MAP2K4: variants seen among roughly 807,000 people sequenced by gnomAD.
The protein encoded by MAP2K4 is dual specificity mitogen-activated protein kinase kinase 4.
In MAP2K4, 4 loss-of-function variants were observed where a neutral mutation model predicts 48.5. That is an observed-to-expected ratio of 0.08 (90% CI 0.04 to 0.19). The LOEUF is 0.19. Ranked by LOEUF, MAP2K4 falls within the 10% of genes least tolerant of loss-of-function variation. MAP2K4 has a pLI of 1.00. For missense variants in MAP2K4, 258 were observed against 493.3 expected (o/e 0.52, Z 4.52); for synonymous variants, 166 against 173.1 (o/e 0.96, Z 0.32).
chr17:12,084,396 T>C (rs1971291862), intron 3 of MAP2K4, among the ~76,000 whole-genome samples: 1 of 152,164 alleles, frequency 6.6e-6, no homozygotes, highest in African/African-American at 2.4e-5. Context: ...GAAAAGGGTC[T>C]TGCTCTCCTG....
At chr17:12,136,595 G>C (rs1333521189) in intron 9 of MAP2K4, among the ~76,000 whole-genome samples, 1 of 152,196 alleles carries the variant, frequency 6.6e-6, no homozygotes, top group African/African-American at 2.4e-5. Context: ...TTTGCTAACG[G>C]CTACCTTATT....
In MAP2K4 at chr17:12,141,634, G is replaced by A. The variant is rs548739275; in HGVS notation, c.*374G>A. The A allele has an allele frequency of 1.1e-4, 31 of 294,738 alleles. No homozygotes were observed. The highest frequency in any genetic ancestry group is 8.6e-4 in the Admixed American group (18 of 20,976). The allele number at this position is 294,738 out of a possible 1,614,324, so 18.3% of individuals were successfully genotyped here. A position where few individuals can be genotyped will look rare whatever the true frequency, so the allele number is the denominator to read the frequency against. ...GTGTTTTGTCAGACTTCCAAATCCT[G>A]GAAGGACACAGTGATGAATGTACTA... On this transcript the variant is annotated 3_prime_UTR_variant, in exon 11 of 11. Transcript: ENST00000353533.
intron 2 of MAP2K4, among the ~76,000 whole-genome samples, chr17:12,057,629 T>C (rs573540707): frequency 1.3e-5 from 2 of 152,220 alleles, no homozygotes; most frequent in South Asian, 4.1e-4. Context: ...TTCATGTTTT[T>C]CCTATCATCT....
intron 2 of MAP2K4, among the ~76,000 whole-genome samples, chr17:12,068,526 T>C (rs1970686539): frequency 6.6e-6 from 1 of 152,038 alleles, no homozygotes; most frequent in Non-Finnish European, 1.5e-5. Context: ...TTAATAAATA[T>C]TGGTGATAAT....
intron 4 of MAP2K4, among the ~76,000 whole-genome samples, chr17:12,104,254 G>C: frequency 6.6e-6 from 1 of 152,256 alleles, no homozygotes; most frequent in East Asian, 1.9e-4. Context: ...AAAGAAAAGG[G>C]AAGAACTAAA....
intron 2 of MAP2K4, among the ~76,000 whole-genome samples, chr17:12,062,807 C>A (rs1277037983): frequency 2.6e-5 from 4 of 152,118 alleles, no homozygotes; most frequent in African/African-American, 9.7e-5. Flanking sequence ...TATGTGATCT[C>A]TTTTTTCTTT....
At chr17:12,039,736 C>T (rs1274845291) in intron 1 of MAP2K4, among the ~76,000 whole-genome samples, 1 of 152,120 alleles carries the variant, frequency 6.6e-6, no homozygotes, top group Non-Finnish European at 1.5e-5. Flanking sequence ...AAGTTGAGAC[C>T]TCAGCAAGGT....
intron 2 of MAP2K4, among the ~76,000 whole-genome samples, chr17:12,064,207 A>G (rs573441723): frequency 6.6e-6 from 1 of 152,142 alleles, no homozygotes; most frequent in Non-Finnish European, 1.5e-5. Context: ...CTTAGCCTCC[A>G]GAGTACCTGG....
At chr17:12,057,302 GA>G in intron 2 of MAP2K4, among the ~76,000 whole-genome samples, 1 of 152,290 alleles carries the variant, frequency 6.6e-6, no homozygotes, top group South Asian at 2.1e-4. Flanking sequence ...ACTGGATTTT[GA>G]AAGACAGGCA....
rs1973420639 is a variant in MAP2K4, at chr17:12,142,995, T to C, written c.*1735T>C. 1 of 232,924 alleles carries C rather than the reference T, an allele frequency of 4.3e-6. No homozygotes were observed. Among genetic ancestry groups the C allele is most frequent in the East Asian group, 6.0e-5 (1 of 16,582 alleles). The allele number at this position is 232,924 out of a possible 1,614,324, so 14.4% of individuals were successfully genotyped here. The stretch of plus-strand genomic sequence containing the variant: ...TCAAACAATAAAGGGAGAATGGTGC[T>C]GTTTAAAGTCACATCCCTGTAAATT... On this transcript the variant is annotated 3_prime_UTR_variant, in exon 11 of 11. Coordinates refer to ENST00000353533, the MANE Select transcript of MAP2K4 (RefSeq NM_003010.4).
chr17:12,036,618 T>G (rs1969607477), intron 1 of MAP2K4: 1 of 152,188 alleles, frequency 6.6e-6, no homozygotes, highest in Non-Finnish European at 1.5e-5. Flanking sequence ...TGTGTGCCAC[T>G]CATGACAGAA....
intron 9 of MAP2K4, among the ~76,000 whole-genome samples, chr17:12,138,268 C>T (rs981065629): frequency 3.3e-5 from 5 of 150,714 alleles, no homozygotes; most frequent in Admixed American, 6.6e-5. Flanking sequence ...GTCAAAAATC[C>T]GCATATAACT....
At chr17:12,131,097 G>A (rs1309536599) in intron 9 of MAP2K4, among the ~76,000 whole-genome samples, 1 of 152,040 alleles carries the variant, frequency 6.6e-6, no homozygotes, top group Non-Finnish European at 1.5e-5. Flanking sequence ...TAAATTTCAT[G>A]ATGGGGAGGA....
At chr17:12,116,812 TG>T in intron 7 of MAP2K4, among the ~76,000 whole-genome samples, 1 of 152,298 alleles carries the variant, frequency 6.6e-6, no homozygotes, top group African/African-American at 2.4e-5. Flanking sequence ...TGCCAGAAGC[TG>T]TTGATAACTT....
intron 9 of MAP2K4, among the ~76,000 whole-genome samples, chr17:12,131,349 G>A (rs750360915): frequency 1.3e-5 from 2 of 151,034 alleles, no homozygotes; most frequent in African/African-American, 4.9e-5. Context: ...GGGTTCAAAC[G>A]ATTCTTCTGC....
In MAP2K4 at chr17:12,141,521, G is replaced by A; in HGVS notation, c.*261G>A. The A allele has an allele frequency of 2.1e-6, 1 of 485,344 alleles. No individual in the cohort carries two copies. The highest frequency in any genetic ancestry group is 3.0e-5 in the South Asian group (1 of 33,856). The allele number at this position is 485,344 out of a possible 1,614,324, so 30.1% of individuals were successfully genotyped here. A position where few individuals can be genotyped will look rare whatever the true frequency, so the allele number is the denominator to read the frequency against. ...ATGAACATATTCATGAAATGTGGAA[G>A]TCAGTACGATCAAGTTGTTGACTGT... is the stretch of plus-strand genomic sequence containing the variant. On this transcript the variant is annotated 3_prime_UTR_variant, in exon 11 of 11. Coordinates refer to ENST00000353533, the MANE Select transcript of MAP2K4 (RefSeq NM_003010.4).
intron 2 of MAP2K4, chr17:12,069,712 A>G (rs1970725396): frequency 2.9e-6 from 3 of 1,040,456 alleles, no homozygotes; most frequent in South Asian, 6.5e-5. Context: ...GGCAGTTTCC[A>G]TGGTAACTGA....
At chr17:12,031,718 G>T (rs1429206010) in intron 1 of MAP2K4, among the ~76,000 whole-genome samples, 2 of 152,026 alleles carry the variant, frequency 1.3e-5, no homozygotes, top group East Asian at 3.9e-4. Flanking sequence ...ATTTTTTCAG[G>T]CCTATTTTAG....
intron 3 of MAP2K4, among the ~76,000 whole-genome samples, chr17:12,088,263 C>G (rs1403925634): frequency 1.3e-5 from 2 of 151,680 alleles, no homozygotes; most frequent in African/African-American, 2.4e-5. Context: ...GATTCCCCTT[C>G]ACATTAATGA....
Sources: gnomAD v4.1 joint callset for allele counts (sites outside exome capture counted in the v4.1 genomes callset) on GRCh38, gnomAD v4.1.1 for gene constraint, MANE v1.5 for transcripts, NCBI Gene and HGNC (gene_info 2026-07-23, HGNC 2026-07-21) for gene names.